CCDC57: variants seen among roughly 807,000 people sequenced by gnomAD.
CCDC57 encodes the protein coiled-coil domain containing 57, also known as coiled-coil domain-containing protein 57.
Under a neutral mutation model 118.9 loss-of-function variants are expected in CCDC57, and 118 were observed. That is an observed-to-expected ratio of 0.99 (90% CI 0.86 to 1.16). The LOEUF is 1.16. Ranked by LOEUF, CCDC57 falls within the 50% of genes most tolerant of loss-of-function variation. The probability of loss-of-function intolerance (pLI) is 0.00; values close to 1 mark genes in which losing one functional copy is unlikely to be tolerated. For missense variants in CCDC57, 1,300 were observed against 1,320.7 expected (o/e 0.98, Z 0.24); for synonymous variants, 527 against 532.9 (o/e 0.99, Z 0.15).
Position 82,119,149 on chromosome 17 carries a change from T to G in CCDC57, c.2899+8543A>C, listed in dbSNP as rs1315932955. Among the ~76,000 whole-genome samples the G allele has an allele frequency of 4.3e-3, 5 of 1,160 alleles. 2 individuals carry two copies. The highest frequency in any genetic ancestry group is 0.045 in the South Asian group (1 of 22). 0.8% of individuals were successfully genotyped at this position (1,160 alleles called of 152,430 possible). ...GGGTGGGGGTGGGGGTGGTGAGAAA[T>G]TAGTCGTATTTTGATTAGAATGACA... is the stretch of plus-strand genomic sequence containing the variant. On this transcript the variant is annotated intron_variant, in intron 19 of 19. Coordinates refer to ENST00000665763, the Ensembl canonical transcript of CCDC57.
At chr17:82,101,704 C>A (rs759817567) in exon 20 of CCDC57, 3 of 1,607,482 alleles carry the variant, frequency 1.9e-6, no homozygotes, top group Non-Finnish European at 2.5e-6. Flanking sequence ...GTTGTAGTTA[C>A]GGATCTTGGG....
At chr17:82,170,115 C>T (rs1015338727) in intron 13 of CCDC57, among the ~76,000 whole-genome samples, 1 of 152,172 alleles carries the variant, frequency 6.6e-6, no homozygotes, top group African/African-American at 2.4e-5. Flanking sequence ...CGGGTTGAAG[C>T]TCTCACCCCG....
At chr17:82,130,499 C>CTTTTTTT (rs35413191) in intron 17 of CCDC57, among the ~76,000 whole-genome samples, 5 of 88,940 alleles carry the variant, frequency 5.6e-5, no homozygotes, top group African/African-American at 2.3e-4. Flanking sequence ...CCAGACAAAA[C>CTTTTTTT]TTTTTTTTTT....
intron 19 of CCDC57, among the ~76,000 whole-genome samples, chr17:82,119,140 G>A (rs1203109151): frequency 0.047 from 6 of 128 alleles, no homozygotes; most frequent in Non-Finnish European, 0.016. Flanking sequence ...GGGTGGGGGT[G>A]GTGAGAAATT....
intron 15 of CCDC57, chr17:82,156,663 G>C (rs775461459): frequency 6.6e-6 from 1 of 152,196 alleles, no homozygotes; most frequent in Admixed American, 6.5e-5. Flanking sequence ...ATATCTTACC[G>C]ACCAGCTCAG....
chr17:82,128,623 A>C (rs2037846532), intron 17 of CCDC57, 26 bp from the exon 17 acceptor site: 1 of 1,528,310 alleles, frequency 6.5e-7, no homozygotes, highest in Non-Finnish European at 8.9e-7. Flanking sequence ...AAATGAGAGG[A>C]CTCTGGTATT....
chr17:82,193,803 G>A (rs1229743558), exon 7 of CCDC57: 1 of 1,600,530 alleles, frequency 6.2e-7, no homozygotes, highest in South Asian at 1.1e-5. Context: ...GCTGCACAGA[G>A]TGAAGTTTAT....
chr17:82,116,029 C>T (rs2145008711), intron 19 of CCDC57, among the ~76,000 whole-genome samples: 1 of 150,402 alleles, frequency 6.6e-6, no homozygotes, highest in South Asian at 2.1e-4. Context: ...GAACTCCTGA[C>T]CTCATGATCC....
rs983524830 is a variant in CCDC57 at position 82,163,469 on chromosome 17, C to T, written c.1883-112G>A. 1.2e-5 allele frequency: 16 copies of T among 1,299,188 alleles called. 1 individual carries two copies. Among genetic ancestry groups the T allele is most frequent in the African/African-American group, 7.4e-5 (5 of 67,926 alleles). The allele number at this position is 1,299,188 out of a possible 1,614,324, so 80.5% of individuals were successfully genotyped here. A position where few individuals can be genotyped will look rare whatever the true frequency, so the allele number is the denominator to read the frequency against. On this transcript the variant is annotated intron_variant, in intron 13 of 19. Transcript: ENST00000665763. ...CTTTCCCGTGAGGCCATGGCACCAGCGGCTGACCCCAATGCGAAGCTGTTC... is the reference window on the plus strand; with the variant it reads ...CTTTCCCGTGAGGCCATGGCACCAGTGGCTGACCCCAATGCGAAGCTGTTC...
At chr17:82,110,781 T>C (rs1259150825) in intron 19 of CCDC57, among the ~76,000 whole-genome samples, 2 of 152,218 alleles carry the variant, frequency 1.3e-5, no homozygotes, top group East Asian at 1.9e-4. Context: ...TCCCAGTACT[T>C]TGGGAGGCCG....
chr17:82,101,496 G>A, downstream of CCDC57: 1 of 556,850 alleles, frequency 1.8e-6, no homozygotes, highest in Non-Finnish European at 3.1e-6. Context: ...GGTTTTAATG[G>A]GCCCTGTGCT....
intron 1 of CCDC57, among the ~76,000 whole-genome samples, chr17:82,210,041 A>G (rs9674479): frequency 0.99 from 150,227 of 152,112 alleles, 74,187 homozygotes; most frequent in East Asian, 1. Context: ...GAATTCTGTG[A>G]TGCCAGAAAG....
exon 16 of CCDC57, chr17:82,151,671 G>A (rs1000705135): frequency 6.4e-7 from 1 of 1,550,434 alleles, no homozygotes; most frequent in African/African-American, 1.4e-5. Flanking sequence ...TTTCTCTGGA[G>A]TCGGTGCATA....
At chr17:82,161,445 A>G (rs906470305) in intron 14 of CCDC57, among the ~76,000 whole-genome samples, 2 of 152,202 alleles carry the variant, frequency 1.3e-5, no homozygotes, top group African/African-American at 4.8e-5. Flanking sequence ...CCACACAGGA[A>G]CTTACACAGG....
Position 82,142,311 on chromosome 17 carries a change from G to GT in CCDC57, c.2456-8118dup, listed in dbSNP as rs769545550. On this transcript the variant is annotated intron_variant, in intron 16 of 19. Transcript: ENST00000665763. ...CTAAGTAACACAGCACTGAAGTTGTGTTTGTTTTTTTTTTTTCTTGAGACG... is the reference window on the plus strand; with the variant it reads ...CTAAGTAACACAGCACTGAAGTTGTGTTTTGTTTTTTTTTTTTCTTGAGACG... 6.5e-3 allele frequency among the ~76,000 whole-genome samples: 958 copies of GT among 147,754 alleles called. 10 individuals are homozygous for GT. Among genetic ancestry groups the GT allele is most frequent in the African/African-American group, 0.018 (737 of 40,412 alleles).
At chr17:82,206,133 G>A (rs775250039) in intron 2 of CCDC57, among the ~76,000 whole-genome samples, 2 of 152,250 alleles carry the variant, frequency 1.3e-5, no homozygotes, top group African/African-American at 4.8e-5. Flanking sequence ...CTCGCTGTGC[G>A]TTCACCCTCT....
At chr17:82,201,517 G>C (rs1339518585) in intron 3 of CCDC57, 21 bp downstream of exon 2, 1 of 1,563,750 alleles carries the variant, frequency 6.4e-7, no homozygotes. Flanking sequence ...GCACAGGAGG[G>C]CGCGTCGGTC....
intron 17 of CCDC57, among the ~76,000 whole-genome samples, chr17:82,133,551 T>C (rs2038736716): frequency 6.7e-6 from 1 of 148,358 alleles, no homozygotes; most frequent in Non-Finnish European, 1.5e-5. Context: ...ATGATACAAT[T>C]TGTAATGAAA....
At position 82,127,932 on chromosome 17, in the gene CCDC57, A is replaced by C. The variant is rs2037709473; in HGVS notation, c.2683-24T>G. 4 of 1,609,996 alleles carry C rather than the reference A, an allele frequency of 2.5e-6. No individual in the cohort carries two copies. In the African/African-American group the frequency reaches 5.4e-5, roughly 22 times the overall value. On this transcript the variant is annotated intron_variant, in intron 18 of 19. Coordinates refer to ENST00000665763, the Ensembl canonical transcript of CCDC57. ...GTCTAGAAAAGACATCATCGTCTTG[A>C]AAGCCACCCTCTCCAACCCAGAGGA...
Sources: gnomAD v4.1 joint callset for allele counts (sites outside exome capture counted in the v4.1 genomes callset) on GRCh38, gnomAD v4.1.1 for gene constraint, MANE v1.5 for transcripts, NCBI Gene and HGNC (gene_info 2026-07-23, HGNC 2026-07-21) for gene names.